MUSK: variants seen among roughly 807,000 people sequenced by gnomAD.
MUSK encodes muscle, skeletal receptor tyrosine-protein kinase.
In MUSK, 55 loss-of-function variants were observed where a neutral mutation model predicts 88.7. That is an observed-to-expected ratio of 0.62 (90% CI 0.50 to 0.78). The LOEUF (loss-of-function observed/expected upper bound fraction) is 0.78. MUSK is among the 30% of genes least tolerant of loss of function. MUSK has a pLI of 0.00. For synonymous variants in MUSK, 387 were observed against 391.9 expected, an observed-to-expected ratio of 0.99 and a Z score of 0.15; for missense variants, 1,015 against 1,074.3, an observed-to-expected ratio of 0.94 and a Z score of 0.77.
At chr9:110,718,063 C>G (rs1321853929) in intron 5 of MUSK, among the ~76,000 whole-genome samples, 2 of 152,062 alleles carry the variant, frequency 1.3e-5, no homozygotes, top group East Asian at 3.9e-4. Flanking sequence ...CTGCAGTCAT[C>G]TGAAAGCTTG....
chr9:110,790,418 A>C (rs1352579706), intron 14 of MUSK, among the ~76,000 whole-genome samples: 1 of 152,236 alleles, frequency 6.6e-6, no homozygotes, highest in Non-Finnish European at 1.5e-5. Flanking sequence ...ATGTGGAAGT[A>C]ATAGCACATT....
intron 7 of MUSK, among the ~76,000 whole-genome samples, chr9:110,750,491 G>A (rs2077234552): frequency 6.6e-6 from 1 of 152,100 alleles, no homozygotes; most frequent in Admixed American, 6.6e-5. Context: ...ACAGCCCTCT[G>A]CATCTCAGCC....
At chr9:110,746,136 C>T (rs948431315) in intron 6 of MUSK, among the ~76,000 whole-genome samples, 9 of 152,190 alleles carry the variant, frequency 5.9e-5, no homozygotes, top group African/African-American at 2.2e-4. Context: ...GACGTACCTC[C>T]ACTCCTTTAA....
intron 1 of MUSK, among the ~76,000 whole-genome samples, 196 bp downstream of exon 1, chr9:110,669,179 C>T (rs1263577069): frequency 2.0e-5 from 3 of 152,076 alleles, no homozygotes; most frequent in African/African-American, 4.8e-5. Context: ...TATTTTACTC[C>T]GAAGTTCTGC....
chr9:110,776,011 A>G lies in MUSK; in HGVS notation c.1360+48A>G, dbSNP rs16915380. The G allele has an allele frequency of 5.5e-3, 8,392 of 1,534,518 alleles. 414 individuals are homozygous for G. In the African/African-American group the frequency reaches 0.1, roughly 19 times the overall value. ...CTTTGGAGGTTAAGAGAAATTTACT[A>G]TTTTGAAGAAACTAAGGTGTGAACT... On this transcript the variant is annotated intron_variant, in intron 10 of 14. Coordinates refer to ENST00000374448, the MANE Select transcript of MUSK (RefSeq NM_005592.4).
In MUSK at chr9:110,760,596, A is replaced by C. The variant is rs139171437; in HGVS notation, c.914-1606A>C. On this transcript the variant is annotated intron_variant, in intron 7 of 14. Transcript: ENST00000374448. ...GTTGGAGAAAGGAGAGGATTAGGAA[A>C]AAAAAAAATAGAACAACTTTCGGGC... is the stretch of plus-strand genomic sequence containing the variant. Among the ~76,000 whole-genome samples, 617 of 152,218 alleles carry C rather than the reference A, an allele frequency of 4.1e-3. 7 individuals are homozygous for C. Among genetic ancestry groups the C allele is most frequent in the Middle Eastern group, 0.01 (3 of 294 alleles).
At chr9:110,714,307 TTCA>T (rs2076716875) in intron 5 of MUSK, among the ~76,000 whole-genome samples, 2 of 152,194 alleles carry the variant, frequency 1.3e-5, no homozygotes, top group Non-Finnish European at 2.9e-5. Flanking sequence ...GTACCCACTA[TTCA>T]CCATCCATAT....
intron 8 of MUSK, among the ~76,000 whole-genome samples, chr9:110,764,076 G>T (rs1476170432): frequency 3.9e-5 from 6 of 152,154 alleles, no homozygotes; most frequent in Admixed American, 3.9e-4. Context: ...ATATTGTAAG[G>T]AGGCAAGAGA....
In MUSK at chr9:110,687,120, C is replaced by G. The variant is rs1395831422; in HGVS notation, c.210C>G (p.Leu70=). 3 of 1,612,684 alleles carry G rather than the reference C, an allele frequency of 1.9e-6. No individual in the cohort carries two copies. Among genetic ancestry groups the G allele is most frequent in the South Asian group, 1.1e-5 (1 of 90,932 alleles). The part of the protein sequence containing the change: ...SWTRNKILIK[L]FDTRYSIREN... ...CATTTTTTTCTGTGACCTGCAGACT[C>G]TTTGACACCCGGTACAGCATCCGGG... is the stretch of plus-strand genomic sequence containing the variant. Residue 70 remains leucine (L), a synonymous_variant, in exon 3 of 15, where the codon CTC becomes CTG. Transcript: ENST00000374448.
intron 7 of MUSK, among the ~76,000 whole-genome samples, chr9:110,753,104 G>A (rs187982062): frequency 7.2e-5 from 11 of 152,150 alleles, no homozygotes; most frequent in African/African-American, 1.7e-4. Flanking sequence ...TAAAACAGCC[G>A]GAGACCATGA....
At chr9:110,734,146 G>T in intron 5 of MUSK, 105 bp from the exon 6 acceptor site, 1 of 1,296,656 alleles carries the variant, frequency 7.7e-7, no homozygotes, top group South Asian at 1.4e-5. Flanking sequence ...AAACACTGAA[G>T]AACTGCACAC....
At chr9:110,678,219 C>T in intron 1 of MUSK, among the ~76,000 whole-genome samples, 1 of 152,104 alleles carries the variant, frequency 6.6e-6, no homozygotes. Context: ...TCAAGTGATC[C>T]TCCTGCCTCA....
At chr9:110,780,182 T>C (rs72758663) in intron 11 of MUSK, among the ~76,000 whole-genome samples, 1,728 of 152,292 alleles carry the variant, frequency 0.011, 14 homozygotes, top group South Asian at 0.03. Context: ...TCGCTTTACG[T>C]TTTTGCTTCT....
intron 1 of MUSK, among the ~76,000 whole-genome samples, chr9:110,672,013 T>C (rs1213529073): frequency 1.3e-5 from 2 of 152,204 alleles, no homozygotes; most frequent in East Asian, 1.9e-4. Flanking sequence ...ATTCACAGAT[T>C]TGACATATGA....
chr9:110,710,880 T>C (rs2076659989), intron 5 of MUSK, among the ~76,000 whole-genome samples: 1 of 152,224 alleles, frequency 6.6e-6, no homozygotes, highest in South Asian at 2.1e-4. Context: ...TGCTCCCAAG[T>C]AAATCCCAAG....
At chr9:110,689,702 A>AATATATATATATT (rs1396918626) in intron 3 of MUSK, among the ~76,000 whole-genome samples, 2 of 41,340 alleles carry the variant, frequency 4.8e-5, no homozygotes, top group African/African-American at 4.3e-4. Flanking sequence ...GTTATATATA[A>AATATATATATATT]ATATATAACT....
intron 4 of MUSK, 49 bp downstream of exon 4, chr9:110,695,579 A>T: frequency 1.4e-6 from 2 of 1,429,428 alleles, no homozygotes; most frequent in Non-Finnish European, 1.9e-6. Flanking sequence ...ATTTTAAAAT[A>T]TAACATTTCT....
chr9:110,688,363 T>C (rs1037684007), intron 3 of MUSK, among the ~76,000 whole-genome samples: 1 of 152,140 alleles, frequency 6.6e-6, no homozygotes, highest in African/African-American at 2.4e-5. Context: ...TCTTTTTTTT[T>C]CAATTTTAAG....
intron 2 of MUSK, among the ~76,000 whole-genome samples, chr9:110,684,748 A>G (rs533844055): frequency 1.1e-3 from 162 of 151,968 alleles, no homozygotes; most frequent in Admixed American, 2.4e-3. Context: ...TGTAAATAGG[A>G]TTATTTTTAA....
Sources: gnomAD v4.1 joint callset for allele counts (sites outside exome capture counted in the v4.1 genomes callset) on GRCh38, gnomAD v4.1.1 for gene constraint, MANE v1.5 for transcripts, NCBI Gene and HGNC (gene_info 2026-07-23, HGNC 2026-07-21) for gene names.